Variants in XKR6 observed in about 807,000 individuals in gnomAD.
XKR6 encodes XK related 6.
A neutral mutation model predicts 56.7 loss-of-function variants in XKR6; 22 were observed. The ratio of observed to expected loss-of-function variants is 0.39; its 90% confidence interval spans 0.28 to 0.55. The LOEUF (loss-of-function observed/expected upper bound fraction) is 0.55, where lower values mean the gene tolerates loss of function less well. XKR6 is among the 20% of genes least tolerant of loss of function. The pLI is 0.66. For synonymous variants in XKR6, 524 were observed against 387.8 expected, an observed-to-expected ratio of 1.35 and a Z score of -4.13; for missense variants, 852 against 889.0, an observed-to-expected ratio of 0.96 and a Z score of 0.53.
intron 1 of XKR6, among the ~76,000 whole-genome samples, chr8:11,110,378 G>A (rs1261158763): frequency 2.0e-5 from 3 of 152,192 alleles, no homozygotes; most frequent in Non-Finnish European, 4.4e-5. Flanking sequence ...TATTGGGGTA[G>A]ACTATTCAGC....
chr8:10,938,815 C>T (rs573420239), intron 1 of XKR6, among the ~76,000 whole-genome samples: 1 of 152,128 alleles, frequency 6.6e-6, no homozygotes, highest in Non-Finnish European at 1.5e-5. Context: ...AAGACCTCTA[C>T]AAACACACAT....
chr8:11,197,395 T>C (rs1220136682), intron 1 of XKR6, among the ~76,000 whole-genome samples: 1 of 152,166 alleles, frequency 6.6e-6, no homozygotes, highest in Non-Finnish European at 1.5e-5. Flanking sequence ...AAAACTTGCA[T>C]ACATCAATGC....
intron 1 of XKR6, among the ~76,000 whole-genome samples, chr8:11,032,113 A>C (rs10110123): frequency 0.41 from 63,070 of 152,066 alleles, 18,392 homozygotes; most frequent in African/African-American, 0.83. Flanking sequence ...TTCTAGGGTG[A>C]TACTGCCCCT....
intron 1 of XKR6, among the ~76,000 whole-genome samples, chr8:11,154,452 A>ATGGCTTCCTT (rs1041720858): frequency 1.3e-5 from 2 of 152,234 alleles, no homozygotes; most frequent in Admixed American, 6.5e-5. Flanking sequence ...ACTCTGCCCC[A>ATGGCTTCCTT]TGGCTTCCTT....
chr8:10,970,984 G>A (rs1189909549), intron 1 of XKR6, among the ~76,000 whole-genome samples: 1 of 151,712 alleles, frequency 6.6e-6, no homozygotes, highest in Non-Finnish European at 1.5e-5. Context: ...TGTCTCAGCT[G>A]CCAGGAAGCT....
intron 1 of XKR6, among the ~76,000 whole-genome samples, chr8:10,974,978 A>G (rs958643843): frequency 6.6e-6 from 1 of 152,246 alleles, no homozygotes; most frequent in African/African-American, 2.4e-5. Context: ...CATGTGATGT[A>G]TATTTTACCA....
At chr8:11,103,876 AAATTC>A (rs1237700503) in intron 1 of XKR6, among the ~76,000 whole-genome samples, 35 of 152,356 alleles carry the variant, frequency 2.3e-4, no homozygotes, top group African/African-American at 7.9e-4. Flanking sequence ...TGTTCAAAAT[AAATTC>A]AATTCAAAAT....
At chr8:11,121,663 G>C (rs1290667801) in intron 1 of XKR6, among the ~76,000 whole-genome samples, 1 of 152,230 alleles carries the variant, frequency 6.6e-6, no homozygotes, top group Non-Finnish European at 1.5e-5. Flanking sequence ...AACACCATTT[G>C]ACCCAGCCAT....
At chr8:11,166,260 T>C (rs1003253217) in intron 1 of XKR6, among the ~76,000 whole-genome samples, 5 of 152,220 alleles carry the variant, frequency 3.3e-5, no homozygotes, top group Non-Finnish European at 5.9e-5. Context: ...AACCAAATCA[T>C]ATTTATCGCT....
intron 2 of XKR6, among the ~76,000 whole-genome samples, chr8:10,913,877 G>A (rs774936843): frequency 6.6e-6 from 1 of 152,182 alleles, no homozygotes; most frequent in Non-Finnish European, 1.5e-5. Context: ...GCAGCAGCAC[G>A]AGGCAGGAGG....
At chr8:10,919,874 A>G (rs1800662961) in intron 2 of XKR6, among the ~76,000 whole-genome samples, 1 of 152,202 alleles carries the variant, frequency 6.6e-6, no homozygotes, top group Admixed American at 6.5e-5. Flanking sequence ...AACTTTCAAG[A>G]CATCAGGCTT....
At chr8:10,946,354 T>G (rs980343406) in intron 1 of XKR6, among the ~76,000 whole-genome samples, 11 of 152,108 alleles carry the variant, frequency 7.2e-5, no homozygotes, top group Non-Finnish European at 1.2e-4. Context: ...AATGGACACG[T>G]GCACTTGAGC....
chr8:11,006,033 G>A (rs1459929260), intron 1 of XKR6, among the ~76,000 whole-genome samples: 2 of 151,806 alleles, frequency 1.3e-5, no homozygotes, highest in Admixed American at 1.3e-4. Flanking sequence ...CAGTAGAGAC[G>A]GGGTTTCACC....
chr8:10,994,950 C>T (rs987397636), intron 1 of XKR6, among the ~76,000 whole-genome samples: 1 of 152,188 alleles, frequency 6.6e-6, no homozygotes, highest in East Asian at 1.9e-4. Context: ...TCCAGTGTCA[C>T]AAGTCCCATC....
At chr8:10,912,410 A>G (rs1397694495) in intron 2 of XKR6, among the ~76,000 whole-genome samples, 1 of 136,276 alleles carries the variant, frequency 7.3e-6, no homozygotes, top group East Asian at 2.4e-4. Context: ...ATATATAAAG[A>G]GAGTGAGCAT....
chr8:11,183,350 C>G (rs1055961277), intron 1 of XKR6, among the ~76,000 whole-genome samples: 1 of 152,184 alleles, frequency 6.6e-6, no homozygotes, highest in Non-Finnish European at 1.5e-5. Flanking sequence ...TCCAATTTCT[C>G]CACATACCTG....
chr8:11,017,698 A>G (rs1368643804), intron 1 of XKR6, among the ~76,000 whole-genome samples: 2 of 152,158 alleles, frequency 1.3e-5, no homozygotes, highest in Non-Finnish European at 2.9e-5. Flanking sequence ...GTGCTGGGAA[A>G]CACGAGAGGG....
chr8:11,136,530 G>A (rs1478953040), intron 1 of XKR6, among the ~76,000 whole-genome samples: 4 of 150,590 alleles, frequency 2.7e-5, no homozygotes, highest in African/African-American at 7.3e-5. Flanking sequence ...AAAGTCCTAC[G>A]TTGAAGCCCT....
intron 1 of XKR6, among the ~76,000 whole-genome samples, chr8:11,165,841 C>T (rs1802043854): frequency 6.6e-6 from 1 of 152,092 alleles, no homozygotes; most frequent in Non-Finnish European, 1.5e-5. Flanking sequence ...CCTGCATATA[C>T]TGTGTCCTAT....
Sources: gnomAD v4.1 joint callset for allele counts (sites outside exome capture counted in the v4.1 genomes callset) on GRCh38, gnomAD v4.1.1 for gene constraint, MANE v1.5 for transcripts, NCBI Gene and HGNC (gene_info 2026-07-23, HGNC 2026-07-21) for gene names.